MAP2K4: variants seen among roughly 807,000 people sequenced by gnomAD.
The protein encoded by MAP2K4 is dual specificity mitogen-activated protein kinase kinase 4.
MAP2K4 carries 4 observed loss-of-function variants against 48.5 expected under a neutral mutation model. The observed-to-expected ratio is 0.08, with a 90% CI of 0.04 to 0.19. MAP2K4 has a LOEUF of 0.19. Among genes scored for constraint, MAP2K4 ranks in the 10% least tolerant of loss-of-function variants. MAP2K4 has a pLI of 1.00. For missense variants in MAP2K4, 258 were observed against 493.3 expected (o/e 0.52, Z 4.52); for synonymous variants, 166 against 173.1 (o/e 0.96, Z 0.32).
chr17:12,104,705 T>G lies in MAP2K4; in HGVS notation c.514-3085T>G, dbSNP rs1240896014. Among the ~76,000 whole-genome samples the G allele has an allele frequency of 4.6e-5, 7 of 152,256 alleles. No homozygotes were observed. The South Asian group carries it at 1.5e-3, about 32-fold the overall frequency. The stretch of plus-strand genomic sequence containing the variant: ...GTTTTTGTCTCTTATTTTTAAACTT[T>G]TGGTATGTTGTCCTTGTTTATACAC... On this transcript the variant is annotated intron_variant, in intron 4 of 10. Transcript: ENST00000353533.
intron 7 of MAP2K4, among the ~76,000 whole-genome samples, chr17:12,122,141 A>G (rs1359586078): frequency 6.6e-6 from 1 of 152,236 alleles, no homozygotes; most frequent in Non-Finnish European, 1.5e-5. Context: ...AGCTACAGAT[A>G]AAGTTTTAAA....
chr17:12,143,258 T>G lies in MAP2K4; in HGVS notation c.*1998T>G. Reference sequence around the variant, plus strand: ...TAGGGTCACTTTGCCATTATGCAAATGGAGATAAAAGCAATTCTGACTGTC... The same window carrying G: ...TAGGGTCACTTTGCCATTATGCAAAGGGAGATAAAAGCAATTCTGACTGTC... On this transcript the variant is annotated 3_prime_UTR_variant, in exon 11 of 11. Transcript: ENST00000353533. 4.3e-6 allele frequency: 1 copy of G among 232,946 alleles called. No individual in the cohort carries two copies. Among genetic ancestry groups the G allele is most frequent in the Non-Finnish European group, 8.5e-6 (1 of 117,566 alleles). 14.4% of individuals were successfully genotyped at this position (232,946 alleles called of 1,614,324 possible).
intron 3 of MAP2K4, among the ~76,000 whole-genome samples, chr17:12,093,006 A>G (rs974002663): frequency 1.3e-5 from 2 of 152,174 alleles, no homozygotes; most frequent in African/African-American, 4.8e-5. Context: ...GGCCTGGGCG[A>G]AAGAGCAAGA....
intron 2 of MAP2K4, among the ~76,000 whole-genome samples, chr17:12,063,044 G>T (rs1268915357): frequency 6.6e-6 from 1 of 151,804 alleles, no homozygotes; most frequent in Non-Finnish European, 1.5e-5. Flanking sequence ...ATTCATCTGG[G>T]ATGTGTGTTC....
intron 7 of MAP2K4, among the ~76,000 whole-genome samples, chr17:12,120,243 T>A (rs1363398974): frequency 6.6e-6 from 1 of 152,146 alleles, no homozygotes; most frequent in Non-Finnish European, 1.5e-5. Flanking sequence ...GGCGGATCAC[T>A]TGAAGCCAGG....
chr17:12,023,373 G>C (rs1969153773), intron 1 of MAP2K4, among the ~76,000 whole-genome samples: 1 of 152,144 alleles, frequency 6.6e-6, no homozygotes, highest in Non-Finnish European at 1.5e-5. Flanking sequence ...TTGTATGGGA[G>C]TCACACCTCC....
intron 2 of MAP2K4, among the ~76,000 whole-genome samples, chr17:12,072,210 A>G (rs1970840121): frequency 6.6e-6 from 1 of 152,222 alleles, no homozygotes; most frequent in Non-Finnish European, 1.5e-5. Flanking sequence ...AGCAGTTCCA[A>G]ACTAGCCTAA....
At chr17:12,070,089 A>T (rs1227688677) in intron 2 of MAP2K4, among the ~76,000 whole-genome samples, 2 of 151,274 alleles carry the variant, frequency 1.3e-5, no homozygotes, top group Non-Finnish European at 1.5e-5. Context: ...GAAGAAATCA[A>T]GATCAGATGA....
intron 1 of MAP2K4, among the ~76,000 whole-genome samples, chr17:12,025,840 C>T (rs1969236404): frequency 6.6e-6 from 1 of 152,026 alleles, no homozygotes; most frequent in African/African-American, 2.4e-5. Flanking sequence ...TATGAAATGT[C>T]CTGCTTTTGA....
intron 2 of MAP2K4, among the ~76,000 whole-genome samples, chr17:12,070,975 T>A (rs1597436498): frequency 6.6e-6 from 1 of 152,208 alleles, no homozygotes; most frequent in Non-Finnish European, 1.5e-5. Context: ...CTCCCGAAGG[T>A]TCTGGGGGAG....
intron 1 of MAP2K4, among the ~76,000 whole-genome samples, chr17:12,041,743 G>C (rs1324325210): frequency 6.6e-6 from 1 of 152,186 alleles, no homozygotes. Flanking sequence ...TTGTCCTAAA[G>C]ATGTTAAATC....
intron 2 of MAP2K4, among the ~76,000 whole-genome samples, chr17:12,079,947 A>G (rs1308156240): frequency 1.3e-5 from 2 of 152,182 alleles, no homozygotes; most frequent in African/African-American, 4.8e-5. Context: ...AGAGTATCAA[A>G]TAATATGGGT....
chr17:12,040,453 C>G (rs902162382), intron 1 of MAP2K4, among the ~76,000 whole-genome samples: 2 of 152,132 alleles, frequency 1.3e-5, no homozygotes, highest in African/African-American at 4.8e-5. Flanking sequence ...GGATACTTGT[C>G]CTTTCTACCC....
chr17:12,068,929 A>G (rs910999394), intron 2 of MAP2K4, among the ~76,000 whole-genome samples: 1 of 152,118 alleles, frequency 6.6e-6, no homozygotes, highest in African/African-American at 2.4e-5. Context: ...GTTGCCTAGG[A>G]AGAGAGTGAG....
rs199762097 is a variant in MAP2K4 at position 12,035,976 on chromosome 17, A to ATG, written c.115+14989_115+14990dup. Reference sequence around the variant, plus strand: ...ACAAGTCAGTGGAGTTTTATTGGAGATGTGTGTGTGTGTGTTTACATGCAC... The same window carrying ATG: ...ACAAGTCAGTGGAGTTTTATTGGAGATGTGTGTGTGTGTGTGTTTACATGCAC... On this transcript the variant is annotated intron_variant, in intron 1 of 10. Transcript: ENST00000353533. Among the ~76,000 whole-genome samples, 435 of 151,628 alleles carry ATG rather than the reference A, an allele frequency of 2.9e-3. 1 individual carries two copies. The highest frequency in any genetic ancestry group is 5.1e-3 in the Non-Finnish European group (345 of 67,808).
intron 2 of MAP2K4, among the ~76,000 whole-genome samples, chr17:12,071,513 C>T (rs546498019): frequency 4.6e-5 from 7 of 152,164 alleles, no homozygotes; most frequent in Middle Eastern, 3.4e-3. Flanking sequence ...TCACTGGAGA[C>T]GGATGAAGAC....
intron 4 of MAP2K4, among the ~76,000 whole-genome samples, chr17:12,099,493 G>A (rs967652045): frequency 1.3e-5 from 2 of 152,084 alleles, no homozygotes; most frequent in South Asian, 2.1e-4. Context: ...TGAAAGTTCC[G>A]TCACTTATTC....
chr17:12,122,902 T>G (rs1597490992), intron 7 of MAP2K4, among the ~76,000 whole-genome samples: 1 of 152,338 alleles, frequency 6.6e-6, no homozygotes, highest in African/African-American at 2.4e-5. Flanking sequence ...TCACATTATT[T>G]TCTTCCTTTC....
intron 4 of MAP2K4, among the ~76,000 whole-genome samples, chr17:12,102,983 A>G (rs907818560): frequency 6.7e-6 from 1 of 148,580 alleles, no homozygotes; most frequent in Non-Finnish European, 1.5e-5. Context: ...GTTATTGATG[A>G]TCTCGATGAA....
Sources: gnomAD v4.1 joint callset for allele counts (sites outside exome capture counted in the v4.1 genomes callset) on GRCh38, gnomAD v4.1.1 for gene constraint, MANE v1.5 for transcripts, NCBI Gene and HGNC (gene_info 2026-07-23, HGNC 2026-07-21) for gene names.